Variants in CYSTM1 observed in about 807,000 individuals in gnomAD.
CYSTM1 encodes the protein cysteine-rich transmembrane module-containing protein 1.
A neutral mutation model predicts 13.1 loss-of-function variants in CYSTM1; 4 were observed. The observed-to-expected ratio is 0.31, with a 90% CI of 0.15 to 0.70. The LOEUF is 0.70. CYSTM1 is among the 30% of genes least tolerant of loss of function. The pLI is 0.72. For synonymous variants in CYSTM1, 36 were observed against 42.7 expected (o/e 0.84, Z 0.62); for missense variants, 96 against 121.6 (o/e 0.79, Z 0.99).
At chr5:140,182,848 G>A (rs1763974339) in intron 1 of CYSTM1, among the ~76,000 whole-genome samples, 1 of 152,118 alleles carries the variant, frequency 6.6e-6, no homozygotes, top group South Asian at 2.1e-4. Flanking sequence ...GTCTCTTAGG[G>A]TGCAGCACAT....
chr5:140,226,586 T>TTTTATATATATA (rs754744617), intron 2 of CYSTM1, among the ~76,000 whole-genome samples: 1 of 75,312 alleles, frequency 1.3e-5, no homozygotes, highest in Non-Finnish European at 2.5e-5. Context: ...ATACTAAATA[T>TTTTATATATATA]TATATATATA....
At chr5:140,218,357 A>G (rs1021192420) in intron 2 of CYSTM1, among the ~76,000 whole-genome samples, 17 of 152,062 alleles carry the variant, frequency 1.1e-4, no homozygotes, top group African/African-American at 4.1e-4. Context: ...TGTCTTAGCG[A>G]TTGGGAAGCC....
At chr5:140,234,819 A>G (rs1046524324) in intron 2 of CYSTM1, among the ~76,000 whole-genome samples, 1 of 152,170 alleles carries the variant, frequency 6.6e-6, no homozygotes, top group Admixed American at 6.5e-5. Flanking sequence ...AAGATCATAC[A>G]CTGTTTGCTG....
intron 1 of CYSTM1, among the ~76,000 whole-genome samples, chr5:140,177,329 T>C (rs1763902877): frequency 1.3e-5 from 2 of 151,704 alleles, no homozygotes; most frequent in South Asian, 4.2e-4. Context: ...TCTTGCTCTG[T>C]CGCCCAGGCT....
At chr5:140,201,782 C>T (rs377617793) in intron 2 of CYSTM1, 1 of 152,092 alleles carries the variant, frequency 6.6e-6, no homozygotes, top group East Asian at 1.9e-4. Context: ...TAGATATTAA[C>T]CAGCAACGGA....
At chr5:140,242,886 C>T (rs1764767508) in intron 2 of CYSTM1, among the ~76,000 whole-genome samples, 1 of 152,212 alleles carries the variant, frequency 6.6e-6, no homozygotes, top group Admixed American at 6.5e-5. Context: ...GGTTTAAAGC[C>T]CCCCTTTAAA....
intron 2 of CYSTM1, among the ~76,000 whole-genome samples, chr5:140,231,597 C>T (rs1350943027): frequency 6.6e-6 from 1 of 152,168 alleles, no homozygotes; most frequent in Non-Finnish European, 1.5e-5. Flanking sequence ...AGACATAATG[C>T]CATGAAAACC....
chr5:140,198,062 G>A (rs1046032137), intron 2 of CYSTM1, among the ~76,000 whole-genome samples: 2 of 152,160 alleles, frequency 1.3e-5, no homozygotes, highest in Non-Finnish European at 2.9e-5. Context: ...TAGGAATAAG[G>A]TCTCCCAGAA....
At position 140,186,917 on chromosome 5, in the gene CYSTM1, G is replaced by C. The variant is rs181160742; in HGVS notation, c.-20-7529G>C. ...GAGGCGGGCAGATTGCCTGAGGTCA[G>C]GAGCTCAAGACCAGCCTGGCCAACA... On this transcript the variant is annotated intron_variant, in intron 1 of 2. Transcript: ENST00000261811. Among the ~76,000 whole-genome samples, 800 of 152,238 alleles carry C rather than the reference G, an allele frequency of 5.3e-3. 1 individual carries two copies. Among genetic ancestry groups the C allele is most frequent in the Non-Finnish European group, 5.4e-3 (369 of 68,004 alleles).
chr5:140,199,787 G>A (rs1764204984), intron 2 of CYSTM1, among the ~76,000 whole-genome samples: 2 of 152,116 alleles, frequency 1.3e-5, no homozygotes, highest in African/African-American at 4.8e-5. Flanking sequence ...GTGCCCAGCC[G>A]TTTCCTGACT....
Position 140,209,250 on chromosome 5 carries a change from C to G in CYSTM1, c.187+14598C>G, listed in dbSNP as rs73254770. On this transcript the variant is annotated intron_variant, in intron 2 of 2. Coordinates refer to ENST00000261811, the MANE Select transcript of CYSTM1 (RefSeq NM_032412.4). ...GGGCTTGATTTTGTAGAAAAGACTG[C>G]TCGTACTTTCTTTCTTTTCTTTTTT... is the stretch of plus-strand genomic sequence containing the variant. 9.5e-3 allele frequency among the ~76,000 whole-genome samples: 1,423 copies of G among 150,444 alleles called. 18 individuals carry two copies. Among genetic ancestry groups the G allele is most frequent in the African/African-American group, 0.03 (1,245 of 40,954 alleles).
intron 2 of CYSTM1, among the ~76,000 whole-genome samples, chr5:140,215,862 G>A (rs991756069): frequency 1.3e-5 from 2 of 152,058 alleles, no homozygotes; most frequent in South Asian, 4.1e-4. Flanking sequence ...CTGTATAGGC[G>A]GGGCACAATG....
intron 2 of CYSTM1, among the ~76,000 whole-genome samples, chr5:140,224,819 C>T (rs1581070454): frequency 1.3e-5 from 2 of 152,336 alleles, no homozygotes; most frequent in East Asian, 3.9e-4. Context: ...TCATGCCCAG[C>T]CTGGCATTGT....
At chr5:140,197,394 G>A (rs966579685) in intron 2 of CYSTM1, among the ~76,000 whole-genome samples, 1 of 152,220 alleles carries the variant, frequency 6.6e-6, no homozygotes, top group Non-Finnish European at 1.5e-5. Context: ...GTTGAAAGCT[G>A]TTTAATATCC....
At chr5:140,177,788 G>T (rs1763909130) in intron 1 of CYSTM1, among the ~76,000 whole-genome samples, 1 of 152,258 alleles carries the variant, frequency 6.6e-6, no homozygotes, top group African/African-American at 2.4e-5. Context: ...AGAATCGCTG[G>T]AAATCAGATG....
intron 2 of CYSTM1, among the ~76,000 whole-genome samples, chr5:140,236,736 G>T (rs1764684942): frequency 6.6e-6 from 1 of 152,242 alleles, no homozygotes; most frequent in Admixed American, 6.5e-5. Context: ...AGCTCTGGAA[G>T]AACAGAGCCA....
intron 2 of CYSTM1, chr5:140,201,198 G>A (rs900067675): frequency 3.3e-5 from 5 of 152,184 alleles, no homozygotes; most frequent in Admixed American, 3.3e-4. Flanking sequence ...TGTGAATACA[G>A]GGTGAGAGGA....
chr5:140,232,210 G>T (rs1231674077), intron 2 of CYSTM1, among the ~76,000 whole-genome samples: 1 of 152,196 alleles, frequency 6.6e-6, no homozygotes, highest in Non-Finnish European at 1.5e-5. Flanking sequence ...AGAACAAACT[G>T]AGTTAGTTTG....
chr5:140,205,475 C>T (rs943561424), intron 2 of CYSTM1, among the ~76,000 whole-genome samples: 1 of 152,058 alleles, frequency 6.6e-6, no homozygotes, highest in Admixed American at 6.6e-5. Flanking sequence ...AAAGCCTTTC[C>T]AGCATAGACC....
Sources: allele counts gnomAD v4.1 joint callset (sites outside exome capture counted in the v4.1 genomes callset), GRCh38; gene constraint gnomAD v4.1.1; transcripts MANE v1.5; gene names NCBI Gene and HGNC (gene_info 2026-07-23, HGNC 2026-07-21).